COL25A1: variants seen among roughly 807,000 people sequenced by gnomAD.
COL25A1 encodes collagen type XXV alpha 1 chain.
Under a neutral mutation model 128.4 loss-of-function variants are expected in COL25A1, and 103 were observed. The observed-to-expected ratio is 0.80, with a 90% CI of 0.68 to 0.94. The LOEUF (loss-of-function observed/expected upper bound fraction) is 0.94. Among genes scored for constraint, COL25A1 ranks in the 40% least tolerant of loss-of-function variants. COL25A1 has a pLI of 0.00. For missense variants in COL25A1, 745 were observed against 840.0 expected (o/e 0.89, Z 1.40); for synonymous variants, 279 against 277.2 (o/e 1.01, Z -0.06).
intron 6 of COL25A1, among the ~76,000 whole-genome samples, chr4:109,007,849 C>T (rs74881493): frequency 0.066 from 10,029 of 152,244 alleles, 365 homozygotes; most frequent in East Asian, 0.1. Context: ...CCATCATCCA[C>T]GGTTCTCCTG....
chr4:108,833,477 T>A (rs1198357029), intron 31 of COL25A1, among the ~76,000 whole-genome samples: 1 of 152,212 alleles, frequency 6.6e-6, no homozygotes, highest in Non-Finnish European at 1.5e-5. Flanking sequence ...TTTTTAGAAT[T>A]GAAAAGATGG....
At chr4:109,143,342 T>G (rs1770616052) in intron 3 of COL25A1, among the ~76,000 whole-genome samples, 2 of 152,222 alleles carry the variant, frequency 1.3e-5, no homozygotes, top group South Asian at 4.1e-4. Context: ...TTAACGTTTT[T>G]TCCTTCATTT....
At chr4:109,097,131 C>A (rs907541891) in intron 3 of COL25A1, among the ~76,000 whole-genome samples, 1 of 152,180 alleles carries the variant, frequency 6.6e-6, no homozygotes, top group Non-Finnish European at 1.5e-5. Context: ...GCAGGAAAAA[C>A]TGGCCTGTTT....
chr4:109,023,727 C>T (rs886822767), intron 5 of COL25A1, among the ~76,000 whole-genome samples: 3 of 152,206 alleles, frequency 2.0e-5, no homozygotes, highest in African/African-American at 2.4e-5. Context: ...GATTCACAAG[C>T]GCTGATGGCA....
At chr4:108,972,979 A>G (rs1013490224) in intron 8 of COL25A1, among the ~76,000 whole-genome samples, 10 of 152,212 alleles carry the variant, frequency 6.6e-5, no homozygotes, top group Non-Finnish European at 1.2e-4. Context: ...TGAGGACTGC[A>G]TGCATACTGA....
intron 3 of COL25A1, among the ~76,000 whole-genome samples, chr4:109,095,081 C>A (rs2126013825): frequency 6.6e-6 from 1 of 152,312 alleles, no homozygotes; most frequent in East Asian, 1.9e-4. Flanking sequence ...ACTGTGTTCA[C>A]TGTGAATAAC....
At chr4:109,094,394 A>G (rs1314032324) in intron 3 of COL25A1, among the ~76,000 whole-genome samples, 1 of 152,230 alleles carries the variant, frequency 6.6e-6, no homozygotes, top group Non-Finnish European at 1.5e-5. Context: ...CCATCAGAAG[A>G]GAATCATTAA....
chr4:109,210,877 G>A (rs547675150), intron 3 of COL25A1, among the ~76,000 whole-genome samples: 22 of 152,046 alleles, frequency 1.4e-4, no homozygotes, highest in African/African-American at 2.4e-4. Context: ...GCAGCAACAC[G>A]GATGGTGCTG....
chr4:109,267,500 C>T (rs1482420415), intron 3 of COL25A1, among the ~76,000 whole-genome samples: 1 of 152,142 alleles, frequency 6.6e-6, no homozygotes, highest in African/African-American at 2.4e-5. Context: ...CAATGTCTCC[C>T]ATCAAACTAA....
At chr4:109,173,850 G>A (rs1481850344) in intron 3 of COL25A1, among the ~76,000 whole-genome samples, 1 of 151,702 alleles carries the variant, frequency 6.6e-6, no homozygotes, top group Admixed American at 6.6e-5. Flanking sequence ...TTTTGGATTT[G>A]AGAATATTTG....
chr4:109,152,451 C>T (rs909939066), intron 3 of COL25A1, among the ~76,000 whole-genome samples: 1 of 152,144 alleles, frequency 6.6e-6, no homozygotes, highest in African/African-American at 2.4e-5. Flanking sequence ...AAAAATTATT[C>T]TCCCCTGATA....
At chr4:108,909,030 G>A (rs572553219) in intron 13 of COL25A1, among the ~76,000 whole-genome samples, 3 of 152,266 alleles carry the variant, frequency 2.0e-5, no homozygotes, top group African/African-American at 4.8e-5. Flanking sequence ...TATGACCTCC[G>A]GAATAACGGC....
At chr4:108,963,545 T>C (rs1212708819) in intron 8 of COL25A1, among the ~76,000 whole-genome samples, 1 of 152,130 alleles carries the variant, frequency 6.6e-6, no homozygotes, top group Non-Finnish European at 1.5e-5. Context: ...TATGCTTCCA[T>C]TGTAGGCGTT....
intron 3 of COL25A1, among the ~76,000 whole-genome samples, chr4:109,239,420 A>ATATATATG (rs1553965400): frequency 2.5e-3 from 311 of 124,244 alleles, no homozygotes; most frequent in Middle Eastern, 0.025. Flanking sequence ...ATATATATAT[A>ATATATATG]TATTTATTTA....
chr4:109,063,684 A>G (rs1762177762), intron 3 of COL25A1, among the ~76,000 whole-genome samples: 1 of 152,070 alleles, frequency 6.6e-6, no homozygotes, highest in African/African-American at 2.4e-5. Flanking sequence ...AATAATAATA[A>G]TACAGCATAA....
rs1310070684 is a variant in COL25A1 at position 108,862,575 on chromosome 4, GA to G, written c.1153-31del. ...TACAGCAGAATAAGAGGATGAAAAA[GA>G]TAAAATTATAGAAGAGATAAGAACA... On this transcript the variant is annotated intron_variant, in intron 21 of 37. Transcript: ENST00000399132. 6 of 1,587,652 alleles carry G rather than the reference GA, an allele frequency of 3.8e-6. No homozygotes were observed. The African/African-American group carries it at 6.7e-5, about 18-fold the overall frequency.
intron 5 of COL25A1, among the ~76,000 whole-genome samples, chr4:109,020,390 C>T (rs1313053558): frequency 6.6e-6 from 1 of 151,366 alleles, no homozygotes; most frequent in African/African-American, 2.4e-5. Context: ...TGCTGAAAAG[C>T]AAAAGCCATA....
intron 5 of COL25A1, among the ~76,000 whole-genome samples, chr4:109,023,628 T>C (rs1648041): frequency 0.5 from 76,363 of 152,066 alleles, 21,968 homozygotes; most frequent in African/African-American, 0.77. Context: ...GCACCAAGAA[T>C]GTTCACAGCA....
rs150230953 is a variant in COL25A1 at position 108,880,782 on chromosome 4, C to T, written c.1020+3396G>A. Among the ~76,000 whole-genome samples, 769 of 152,262 alleles carry T rather than the reference C, an allele frequency of 5.1e-3. 3 individuals are homozygous for T. The highest frequency in any genetic ancestry group is 8.7e-3 in the Non-Finnish European group (593 of 68,016). On this transcript the variant is annotated intron_variant, in intron 19 of 37. Transcript: ENST00000399132. ...TATGAAGTCTGCTCTATCCTGCTTA[C>T]TGCTAGGGCAACATAACCATAGAAA... is the stretch of plus-strand genomic sequence containing the variant.
Sources: gnomAD v4.1 joint callset for allele counts (sites outside exome capture counted in the v4.1 genomes callset) on GRCh38, gnomAD v4.1.1 for gene constraint, MANE v1.5 for transcripts, NCBI Gene and HGNC (gene_info 2026-07-23, HGNC 2026-07-21) for gene names.